The following CNTN4 variants were observed in gnomAD, a reference collection of about 807,000 sequenced individuals.
CNTN4 encodes contactin 4.
In CNTN4, 77 loss-of-function variants were observed where a neutral mutation model predicts 122.5. The ratio of observed to expected loss-of-function variants is 0.63; its 90% CI spans 0.52 to 0.76. CNTN4 has a LOEUF of 0.76. Among genes scored for constraint, CNTN4 ranks in the 30% least tolerant of loss-of-function variants. CNTN4 has a pLI of 0.00. For synonymous variants in CNTN4, 512 were observed against 447.0 expected, an observed-to-expected ratio of 1.15 and a Z score of -1.83; for missense variants, 1,256 against 1,259.1, an observed-to-expected ratio of 1.00 and a Z score of 0.04.
At chr3:2,946,677 T>C (rs2094681634) in intron 13 of CNTN4, among the ~76,000 whole-genome samples, 2 of 151,344 alleles carry the variant, frequency 1.3e-5, no homozygotes, top group South Asian at 2.1e-4. Flanking sequence ...CTGAAGGATC[T>C]GCAACAGACA....
At chr3:2,640,836 T>C (rs1000900396) in intron 4 of CNTN4, among the ~76,000 whole-genome samples, 3 of 152,218 alleles carry the variant, frequency 2.0e-5, no homozygotes, top group Non-Finnish European at 4.4e-5. Context: ...ACAATGCAGC[T>C]ATTCCTAGGA....
rs919182167 is a variant in CNTN4 at position 2,465,371 on chromosome 3, G to A, written c.-88-106045G>A. ...GAAAAATGTGAGTGATGCCTTCTTC[G>A]GTCTCTTAAAAAATAAAAATAATGT... On this transcript the variant is annotated intron_variant, in intron 3 of 24. Transcript: ENST00000418658. Among the ~76,000 whole-genome samples, 13 of 151,948 alleles carry A rather than the reference G, an allele frequency of 8.6e-5. No homozygotes were observed. The East Asian group carries it at 1.2e-3, about 14-fold the overall frequency.
chr3:2,882,323 G>T (rs1314017328), intron 8 of CNTN4, among the ~76,000 whole-genome samples: 1 of 151,388 alleles, frequency 6.6e-6, no homozygotes, highest in African/African-American at 2.4e-5. Context: ...CCAAGATCCT[G>T]CCACCACACT....
intron 7 of CNTN4, among the ~76,000 whole-genome samples, chr3:2,822,693 G>A (rs2092903275): frequency 6.6e-6 from 1 of 152,132 alleles, no homozygotes; most frequent in South Asian, 2.1e-4. Context: ...CTTTAGGAAA[G>A]GCAAAACACA....
intron 4 of CNTN4, among the ~76,000 whole-genome samples, chr3:2,705,843 A>ATATT (rs2086681758): frequency 3.8e-4 from 39 of 102,468 alleles, no homozygotes; most frequent in African/African-American, 1.5e-3. Flanking sequence ...TATAATATAT[A>ATATT]ATATATAATA....
intron 3 of CNTN4, among the ~76,000 whole-genome samples, chr3:2,352,040 A>G (rs895148527): frequency 6.6e-6 from 1 of 152,176 alleles, no homozygotes; most frequent in African/African-American, 2.4e-5. Context: ...TACATATATC[A>G]AAACATCACA....
intron 2 of CNTN4, among the ~76,000 whole-genome samples, chr3:2,203,374 C>T (rs2038190335): frequency 6.6e-6 from 1 of 152,078 alleles, no homozygotes; most frequent in Non-Finnish European, 1.5e-5. Context: ...AAATGGGGTG[C>T]TACTATGATG....
chr3:2,771,265 A>G (rs1342652928), intron 6 of CNTN4, among the ~76,000 whole-genome samples: 3 of 152,248 alleles, frequency 2.0e-5, no homozygotes, highest in East Asian at 3.8e-4. Context: ...TTAGAGCCAC[A>G]TTGCATGAGA....
At chr3:2,191,984 G>GT (rs1490079593) in intron 2 of CNTN4, among the ~76,000 whole-genome samples, 9 of 151,910 alleles carry the variant, frequency 5.9e-5, no homozygotes, top group South Asian at 4.2e-4. Context: ...GCGGTGTTTG[G>GT]TTTTTTGTCC....
intron 3 of CNTN4, chr3:2,511,420 A>G (rs996631720): frequency 2.6e-5 from 4 of 152,190 alleles, no homozygotes; most frequent in Non-Finnish European, 5.9e-5. Flanking sequence ...TTCGTGTGCT[A>G]ATTATGTCGA....
chr3:2,729,700 G>A (rs2088531330), intron 4 of CNTN4, among the ~76,000 whole-genome samples: 1 of 152,048 alleles, frequency 6.6e-6, no homozygotes, highest in Non-Finnish European at 1.5e-5. Context: ...GGATCACAAG[G>A]TCAGGAGTTC....
intron 3 of CNTN4, among the ~76,000 whole-genome samples, chr3:2,417,005 C>T (rs1159548989): frequency 1.3e-5 from 2 of 152,166 alleles, no homozygotes; most frequent in African/African-American, 4.8e-5. Flanking sequence ...GCAGAAGTCT[C>T]ACAGTTTGAG....
chr3:2,486,507 C>A (rs1006695543), intron 3 of CNTN4, among the ~76,000 whole-genome samples: 1 of 151,842 alleles, frequency 6.6e-6, no homozygotes, highest in Non-Finnish European at 1.5e-5. Flanking sequence ...CACTAAAGAC[C>A]AGATAATTTA....
intron 3 of CNTN4, among the ~76,000 whole-genome samples, chr3:2,391,329 A>C (rs772304958): frequency 6.6e-6 from 1 of 152,206 alleles, no homozygotes; most frequent in East Asian, 1.9e-4. Flanking sequence ...CTCTGATTAA[A>C]TCCACGCAAG....
intron 4 of CNTN4, among the ~76,000 whole-genome samples, chr3:2,718,463 T>C (rs1459279785): frequency 1.3e-5 from 2 of 152,196 alleles, no homozygotes; most frequent in Non-Finnish European, 2.9e-5. Flanking sequence ...TACTTCAGGA[T>C]GCTTTTCGTG....
chr3:2,926,164 A>G lies in CNTN4; in HGVS notation c.1358+385A>G, dbSNP rs372779515. Among the ~76,000 whole-genome samples, 22 of 152,216 alleles carry G rather than the reference A, an allele frequency of 1.4e-4. No homozygotes were observed. In the East Asian group the frequency reaches 2.1e-3, roughly 15 times the overall value. ...TCTTATTTGCTATGACAACCCTTCAATTATTTGGCAGTGGCTATTATGTCT... is the reference window on the plus strand; with the variant it reads ...TCTTATTTGCTATGACAACCCTTCAGTTATTTGGCAGTGGCTATTATGTCT... On this transcript the variant is annotated intron_variant, in intron 13 of 24. Transcript: ENST00000418658.
chr3:2,100,317 T>C (rs1192462009), intron 1 of CNTN4, among the ~76,000 whole-genome samples: 2 of 152,226 alleles, frequency 1.3e-5, no homozygotes, highest in Non-Finnish European at 2.9e-5. Flanking sequence ...CAATTTTCTG[T>C]AGTGGGAGCT....
intron 2 of CNTN4, among the ~76,000 whole-genome samples, chr3:2,186,066 G>GCTAT (rs1170327272): frequency 6.6e-6 from 1 of 151,910 alleles, no homozygotes; most frequent in African/African-American, 2.4e-5. Context: ...GTCTTCTAAT[G>GCTAT]CTATCCCTCC....
At chr3:2,550,785 C>T (rs1243241545) in intron 3 of CNTN4, among the ~76,000 whole-genome samples, 1 of 152,012 alleles carries the variant, frequency 6.6e-6, no homozygotes, top group Non-Finnish European at 1.5e-5. Context: ...AAAGGATGAG[C>T]GTATGTCCTT....
Sources: gnomAD v4.1 joint callset for allele counts (sites outside exome capture counted in the v4.1 genomes callset) on GRCh38, gnomAD v4.1.1 for gene constraint, MANE v1.5 for transcripts, NCBI Gene and HGNC (gene_info 2026-07-23, HGNC 2026-07-21) for gene names.